MALRD1: variants seen among roughly 807,000 people sequenced by gnomAD.
MALRD1 encodes MAM and LDL-receptor class A domain-containing protein 1.
MALRD1 carries 247 observed loss-of-function variants against 242.1 expected under a neutral mutation model. That is an observed-to-expected ratio of 1.02 (90% confidence interval 0.92 to 1.13). The LOEUF (loss-of-function observed/expected upper bound fraction) is 1.13. Ranked by LOEUF, MALRD1 falls within the 50% of genes most tolerant of loss-of-function variation. The pLI, the probability that MALRD1 is intolerant of heterozygous loss-of-function variation, is 0.00. For synonymous variants in MALRD1, 995 were observed against 866.6 expected, an observed-to-expected ratio of 1.15 and a Z score of -2.60; for missense variants, 2,989 against 2,533.1, an observed-to-expected ratio of 1.18 and a Z score of -3.86.
chr10:19,732,923 A>G (rs1371997277), intron 39 of MALRD1, among the ~76,000 whole-genome samples: 1 of 152,234 alleles, frequency 6.6e-6, no homozygotes, highest in African/African-American at 2.4e-5. Flanking sequence ...TTTCGATAAA[A>G]GAAAAATTCC....
At chr10:19,125,322 C>CTTCCTTCTTTCTTTCT (rs1564407963) in intron 7 of MALRD1, among the ~76,000 whole-genome samples, 4 of 63,806 alleles carry the variant, frequency 6.3e-5, no homozygotes, top group South Asian at 6.4e-4. Flanking sequence ...TCCTTCCTTC[C>CTTCCTTCTTTCTTTCT]TTCTTTCTTT....
chr10:19,053,202 G>A (rs1590362624), intron 1 of MALRD1, among the ~76,000 whole-genome samples: 2 of 152,286 alleles, frequency 1.3e-5, no homozygotes, highest in South Asian at 4.1e-4. Flanking sequence ...GGTTGAACGT[G>A]GAGAAAGGCC....
At chr10:19,284,358 G>A (rs1327268196) in intron 21 of MALRD1, among the ~76,000 whole-genome samples, 10 of 148,454 alleles carry the variant, frequency 6.7e-5, no homozygotes, top group South Asian at 6.5e-4. Context: ...CCACTAACTC[G>A]TCATCTAGCA....
intron 14 of MALRD1, among the ~76,000 whole-genome samples, chr10:19,178,131 A>T (rs886784210): frequency 1.3e-5 from 2 of 152,192 alleles, no homozygotes; most frequent in South Asian, 4.1e-4. Flanking sequence ...GATCTTGCTT[A>T]TGGAGAATTC....
chr10:19,155,213 TG>T, intron 12 of MALRD1, 41 bp downstream of exon 12: 1 of 1,116,904 alleles, frequency 9.0e-7, no homozygotes, highest in Non-Finnish European at 1.1e-6. Context: ...ATTCTGCGGT[TG>T]TAAATCGCTG....
intron 21 of MALRD1, among the ~76,000 whole-genome samples, chr10:19,312,670 C>G (rs1564552167): frequency 6.6e-6 from 1 of 151,166 alleles, no homozygotes; most frequent in Non-Finnish European, 1.5e-5. Context: ...AAATGGTGAT[C>G]ATCATTTACA....
At chr10:19,594,617 A>G (rs553945662) in intron 33 of MALRD1, among the ~76,000 whole-genome samples, 2 of 152,320 alleles carry the variant, frequency 1.3e-5, no homozygotes, top group South Asian at 4.1e-4. Flanking sequence ...GATAAAGAAA[A>G]TGTAGTACAT....
At chr10:19,327,990 C>A (rs1023648053) in intron 23 of MALRD1, among the ~76,000 whole-genome samples, 5 of 152,100 alleles carry the variant, frequency 3.3e-5, no homozygotes, top group Non-Finnish European at 7.4e-5. Context: ...ATTCTCAGAG[C>A]TTGTACAGCA....
intron 24 of MALRD1, among the ~76,000 whole-genome samples, chr10:19,342,721 T>C: frequency 6.6e-6 from 1 of 152,100 alleles, no homozygotes; most frequent in East Asian, 1.9e-4. Context: ...TCAGGTATCA[T>C]GATGTTATTA....
chr10:19,436,198 A>G (rs1834345361), intron 28 of MALRD1, among the ~76,000 whole-genome samples: 1 of 152,182 alleles, frequency 6.6e-6, no homozygotes. Flanking sequence ...GGAGAATAAT[A>G]CTAGAAGCGA....
At chr10:19,422,716 T>C (rs919712698) in intron 28 of MALRD1, among the ~76,000 whole-genome samples, 1 of 152,176 alleles carries the variant, frequency 6.6e-6, no homozygotes, top group African/African-American at 2.4e-5. Context: ...CTGTCTAGAA[T>C]TTTTTCCTGA....
At chr10:19,727,415 C>G (rs1009460332) in intron 38 of MALRD1, among the ~76,000 whole-genome samples, 1 of 152,048 alleles carries the variant, frequency 6.6e-6, no homozygotes, top group African/African-American at 2.4e-5. Context: ...AATATGCTCG[C>G]TAAATTAAAA....
intron 18 of MALRD1, among the ~76,000 whole-genome samples, chr10:19,256,880 T>C (rs897307312): frequency 1.3e-5 from 2 of 152,160 alleles, no homozygotes; most frequent in African/African-American, 4.8e-5. Context: ...AAACATAATG[T>C]ATTTTTCTAA....
intron 36 of MALRD1, among the ~76,000 whole-genome samples, chr10:19,624,510 C>A (rs997768129): frequency 1.3e-5 from 2 of 152,004 alleles, no homozygotes; most frequent in Non-Finnish European, 2.9e-5. Context: ...GTTTGACATG[C>A]CTATGGTCAT....
At chr10:19,458,065 A>T (rs1365320864) in intron 29 of MALRD1, among the ~76,000 whole-genome samples, 1 of 152,048 alleles carries the variant, frequency 6.6e-6, no homozygotes, top group Non-Finnish European at 1.5e-5. Context: ...AGGTTTCTTT[A>T]TACACTGCAA....
intron 32 of MALRD1, among the ~76,000 whole-genome samples, chr10:19,550,891 G>C (rs996295873): frequency 5.9e-5 from 9 of 152,158 alleles, no homozygotes; most frequent in African/African-American, 2.2e-4. Flanking sequence ...TAAAATGCTA[G>C]TTCTGTTTCT....
chr10:19,530,765 T>C (rs1428842509), intron 31 of MALRD1, among the ~76,000 whole-genome samples: 3 of 152,028 alleles, frequency 2.0e-5, no homozygotes, highest in Non-Finnish European at 4.4e-5. Context: ...TTTGCAGTTA[T>C]AGCCATTCAC....
chr10:19,519,838 A>G (rs1215439396), intron 31 of MALRD1, among the ~76,000 whole-genome samples: 2 of 152,228 alleles, frequency 1.3e-5, no homozygotes, highest in Non-Finnish European at 2.9e-5. Flanking sequence ...TAAATACTTT[A>G]GTTTGGAACA....
chr10:19,211,167 T>A (rs1044372936), intron 18 of MALRD1, among the ~76,000 whole-genome samples: 14 of 152,126 alleles, frequency 9.2e-5, no homozygotes, highest in African/African-American at 3.4e-4. Context: ...AAATCAACTT[T>A]GCAGGGAAGC....
Sources: gnomAD v4.1 joint callset for allele counts (sites outside exome capture counted in the v4.1 genomes callset) on GRCh38, gnomAD v4.1.1 for gene constraint, MANE v1.5 for transcripts, NCBI Gene and HGNC (gene_info 2026-07-23, HGNC 2026-07-21) for gene names.